CYP19A1: variants seen among roughly 807,000 people sequenced by gnomAD.
CYP19A1 encodes cytochrome P450 family 19 subfamily A member 1.
A neutral mutation model predicts 44.4 loss-of-function variants in CYP19A1; 32 were observed. That is an observed-to-expected ratio of 0.72 (90% CI 0.54 to 0.97). The LOEUF (loss-of-function observed/expected upper bound fraction) is 0.97, where lower values mean the gene tolerates loss of function less well. Ranked by LOEUF, CYP19A1 falls within the 50% of genes least tolerant of loss-of-function variation. The probability of loss-of-function intolerance (pLI) is 0.00; values close to 1 mark genes in which losing one functional copy is unlikely to be tolerated. For missense variants in CYP19A1, 598 were observed against 637.8 expected (o/e 0.94, Z 0.67); for synonymous variants, 212 against 215.6 (o/e 0.98, Z 0.14).
At chr15:51,331,373 TGAA>T (rs2036698601) in intron 1 of CYP19A1, among the ~76,000 whole-genome samples, 1 of 151,436 alleles carries the variant, frequency 6.6e-6, no homozygotes, top group Non-Finnish European at 1.5e-5. Context: ...AGAGGAGAGG[TGAA>T]GAAGATGAGT....
At chr15:51,271,105 A>C (rs983285612) in intron 1 of CYP19A1, among the ~76,000 whole-genome samples, 23 of 151,768 alleles carry the variant, frequency 1.5e-4, no homozygotes, top group Admixed American at 1.2e-3. Context: ...CACGTGGCTC[A>C]GTTTGTTTCT....
At chr15:51,234,462 T>C (rs1472912406) in intron 3 of CYP19A1, among the ~76,000 whole-genome samples, 1 of 152,252 alleles carries the variant, frequency 6.6e-6, no homozygotes, top group African/African-American at 2.4e-5. Context: ...CCACCCCCAC[T>C]GTAACGAGCA....
At chr15:51,227,267 A>G (rs1739748458) in intron 4 of CYP19A1, among the ~76,000 whole-genome samples, 1 of 152,152 alleles carries the variant, frequency 6.6e-6, no homozygotes. Context: ...GGAGATAACA[A>G]CATTTACCAC....
At chr15:51,242,379 C>A in intron 2 of CYP19A1, 3 of 284,010 alleles carry the variant, frequency 1.1e-5, no homozygotes, top group South Asian at 4.0e-5. Flanking sequence ...AGAAGAAAAG[C>A]AGTGAAGAAG....
intron 5 of CYP19A1, among the ~76,000 whole-genome samples, chr15:51,219,564 T>C (rs1350731200): frequency 6.6e-6 from 1 of 152,238 alleles, no homozygotes; most frequent in African/African-American, 2.4e-5. Flanking sequence ...CCAGTGTGGC[T>C]GACAGGCAGG....
At chr15:51,280,407 C>T (rs936222795) in intron 1 of CYP19A1, among the ~76,000 whole-genome samples, 2 of 152,084 alleles carry the variant, frequency 1.3e-5, no homozygotes, top group African/African-American at 4.8e-5. Context: ...CAAAGCCTGC[C>T]CTTCTTCTTA....
At chr15:51,298,611 G>T (rs755885331) in intron 1 of CYP19A1, among the ~76,000 whole-genome samples, 5 of 151,824 alleles carry the variant, frequency 3.3e-5, no homozygotes, top group African/African-American at 1.2e-4. Flanking sequence ...CCATTTTTAG[G>T]ATTAAATTCA....
At chr15:51,248,082 C>T (rs1193997866) in intron 1 of CYP19A1, among the ~76,000 whole-genome samples, 2 of 152,146 alleles carry the variant, frequency 1.3e-5, no homozygotes, top group Admixed American at 6.5e-5. Flanking sequence ...TCTCAAAAGC[C>T]TCTGTTGTGA....
rs780795217 is a variant in CYP19A1, at chr15:51,212,431, A to G, written c.1152T>C (p.Asp384=). 2.5e-6 allele frequency: 4 copies of G among 1,608,786 alleles called. No homozygotes were observed. Among genetic ancestry groups the G allele is most frequent in the African/African-American group, 1.3e-5 (1 of 74,940 alleles). ...MRKALEDDVI[D]GYPVKKGTNI... ...TTGTCCCCTTTTTCACTGGGTAGCC[A>G]TCGATTACATCATCTTCTAAGGCTT... Residue 384 remains aspartate, a synonymous_variant, in exon 9 of 10, where the codon GAT becomes GAC. Transcript: ENST00000396402.
At chr15:51,280,716 G>C (rs2035489748) in intron 1 of CYP19A1, among the ~76,000 whole-genome samples, 1 of 152,172 alleles carries the variant, frequency 6.6e-6, no homozygotes, top group South Asian at 2.1e-4. Flanking sequence ...TGAGGGCTTG[G>C]CTTACAAATG....
intron 1 of CYP19A1, among the ~76,000 whole-genome samples, chr15:51,271,933 G>T (rs904004533): frequency 1.3e-5 from 2 of 152,186 alleles, no homozygotes; most frequent in Non-Finnish European, 2.9e-5. Context: ...CCAGTTCTTC[G>T]TTATCTGTTC....
intron 4 of CYP19A1, among the ~76,000 whole-genome samples, chr15:51,225,371 A>G (rs1240178321): frequency 2.6e-5 from 4 of 152,256 alleles, no homozygotes; most frequent in African/African-American, 9.6e-5. Flanking sequence ...CACCTGAGCC[A>G]AATGAAAAAG....
intron 9 of CYP19A1, chr15:51,212,117 T>C: frequency 1.6e-6 from 1 of 617,954 alleles, no homozygotes; most frequent in Non-Finnish European, 2.9e-6. Context: ...TTCTTAGAGC[T>C]GGAGACCCAA....
At chr15:51,273,667 T>A (rs1446144134) in intron 1 of CYP19A1, among the ~76,000 whole-genome samples, 1 of 151,950 alleles carries the variant, frequency 6.6e-6, no homozygotes, top group African/African-American at 2.4e-5. Flanking sequence ...AAGTCCAAAC[T>A]AAGCAACCTC....
intron 5 of CYP19A1, among the ~76,000 whole-genome samples, chr15:51,220,203 G>A (rs1434121317): frequency 6.6e-6 from 1 of 152,198 alleles, no homozygotes; most frequent in Admixed American, 6.5e-5. Flanking sequence ...ATGGTCAAAT[G>A]TCTTCTCTGC....
At chr15:51,331,765 T>G (rs147457890) in intron 1 of CYP19A1, among the ~76,000 whole-genome samples, 8 of 152,324 alleles carry the variant, frequency 5.3e-5, no homozygotes, top group Non-Finnish European at 1.2e-4. Flanking sequence ...AGCAACTCTA[T>G]CTTATTCAGT....
chr15:51,277,388 C>T (rs1242953328), intron 1 of CYP19A1: 1 of 152,112 alleles, frequency 6.6e-6, no homozygotes, highest in African/African-American at 2.4e-5. Flanking sequence ...CCCTGGGTAC[C>T]TGAAAAAAGC....
At chr15:51,264,481 C>T (rs377727538) in intron 1 of CYP19A1, among the ~76,000 whole-genome samples, 5 of 147,782 alleles carry the variant, frequency 3.4e-5, no homozygotes, top group Admixed American at 1.3e-4. Flanking sequence ...CAGGAGATTT[C>T]AGTCTTTTAG....
At chr15:51,296,370 G>A (rs1270416313) in intron 1 of CYP19A1, among the ~76,000 whole-genome samples, 3 of 152,148 alleles carry the variant, frequency 2.0e-5, no homozygotes, top group South Asian at 2.1e-4. Context: ...CAAGGTGGCA[G>A]GTGGGGGCAT....
Sources: allele counts gnomAD v4.1 joint callset (sites outside exome capture counted in the v4.1 genomes callset), GRCh38; gene constraint gnomAD v4.1.1; transcripts MANE v1.5; gene names NCBI Gene and HGNC (gene_info 2026-07-23, HGNC 2026-07-21).